Variants in DYTN observed in about 807,000 individuals in gnomAD.
DYTN encodes the protein dystrotelin.
In DYTN, 75 loss-of-function variants were observed where a neutral mutation model predicts 69.6. The observed-to-expected ratio is 1.08, with a 90% CI of 0.89 to 1.31. The LOEUF is 1.31. Ranked by LOEUF, DYTN falls within the 50% of genes most tolerant of loss-of-function variation. The pLI is 0.00. For missense variants in DYTN, 726 were observed against 688.4 expected (o/e 1.05, Z -0.61); for synonymous variants, 252 against 249.1 (o/e 1.01, Z -0.11).
chr2:206,665,768 A>C, intron 10 of DYTN, 102 bp downstream of exon 10: 4 of 1,396,254 alleles, frequency 2.9e-6, no homozygotes, highest in African/African-American at 1.4e-5. Flanking sequence ...AGGCAAGGGA[A>C]GAGGCTGATC....
chr2:206,691,051 T>G (rs1368706895), intron 9 of DYTN, among the ~76,000 whole-genome samples: 5 of 152,154 alleles, frequency 3.3e-5, no homozygotes, highest in African/African-American at 4.8e-5. Flanking sequence ...GGGTGAGAAG[T>G]GCTGTCACAT....
intron 1 of DYTN, among the ~76,000 whole-genome samples, chr2:206,716,737 T>C (rs1255897171): frequency 6.6e-6 from 1 of 152,006 alleles, no homozygotes; most frequent in African/African-American, 2.4e-5. Context: ...CCTCTGGAAA[T>C]TGGCCAATGT....
intron 9 of DYTN, among the ~76,000 whole-genome samples, chr2:206,679,916 G>A (rs1046543088): frequency 1.3e-5 from 2 of 152,116 alleles, no homozygotes; most frequent in Non-Finnish European, 2.9e-5. Context: ...TCTTGGTATT[G>A]TTCTGCTCTG....
chr2:206,676,952 A>G (rs534498263), intron 9 of DYTN, among the ~76,000 whole-genome samples: 3 of 152,136 alleles, frequency 2.0e-5, no homozygotes, highest in Middle Eastern at 3.4e-3. Context: ...TGGTATTTAT[A>G]TATTTATTTA....
intron 9 of DYTN, among the ~76,000 whole-genome samples, chr2:206,680,791 C>T (rs1406429719): frequency 6.6e-6 from 1 of 152,136 alleles, no homozygotes; most frequent in Admixed American, 6.6e-5. Context: ...TGACATTGCT[C>T]CAATAATTCT....
At chr2:206,664,984 T>C (rs1250873117) in intron 10 of DYTN, among the ~76,000 whole-genome samples, 2 of 152,228 alleles carry the variant, frequency 1.3e-5, no homozygotes, top group Non-Finnish European at 2.9e-5. Flanking sequence ...GACATAAATA[T>C]GGTTTCAGAT....
intron 9 of DYTN, among the ~76,000 whole-genome samples, chr2:206,672,969 A>G (rs1699645370): frequency 6.6e-6 from 1 of 152,224 alleles, no homozygotes; most frequent in Non-Finnish European, 1.5e-5. Flanking sequence ...CAGGATGCAC[A>G]GGTTTGTTAC....
chr2:206,701,825 G>C (rs758969400), intron 5 of DYTN, among the ~76,000 whole-genome samples: 30 of 152,186 alleles, frequency 2.0e-4, no homozygotes, highest in Non-Finnish European at 3.7e-4. Flanking sequence ...GGTGGTGACA[G>C]ATGGGTTAAT....
intron 1 of DYTN, among the ~76,000 whole-genome samples, chr2:206,713,549 A>C (rs2105903410): frequency 6.6e-6 from 1 of 152,236 alleles, no homozygotes; most frequent in South Asian, 2.1e-4. Flanking sequence ...CATGTCTGAG[A>C]GCTTCTGTTT....
At chr2:206,672,799 T>C (rs561226948) in intron 9 of DYTN, among the ~76,000 whole-genome samples, 1 of 152,216 alleles carries the variant, frequency 6.6e-6, no homozygotes, top group South Asian at 2.1e-4. Context: ...AAACAGCTGA[T>C]TGAAAACATG....
chr2:206,666,506 G>T (rs1328477376), intron 9 of DYTN, among the ~76,000 whole-genome samples: 1 of 152,040 alleles, frequency 6.6e-6, no homozygotes, highest in East Asian at 1.9e-4. Context: ...CCCTCTACTG[G>T]CTACTTAAAT....
Position 206,710,540 on chromosome 2 carries a change from C to A in DYTN, c.78G>T (p.Val26=). ...TATACTTACACTGGCACAGAGTTTG[C>A]ACTGATTGTAATTTGAAGGCTGTTC... is the stretch of plus-strand genomic sequence containing the variant. The part of the protein sequence containing the change: ...IYRTAFKLQS[V]QTLCQLDLID... The change falls in exon 2 of 12, where the codon GTG becomes GTT. Residue 26 remains valine, a synonymous_variant. Coordinates refer to ENST00000452335, the MANE Select transcript of DYTN (RefSeq NM_001093730.1). 1 of 1,612,116 alleles carries A rather than the reference C, an allele frequency of 6.2e-7. No individual in the cohort carries two copies. Among genetic ancestry groups the A allele is most frequent in the Non-Finnish European group, 8.5e-7 (1 of 1,179,166 alleles).
chr2:206,699,602 G>A, intron 7 of DYTN, 125 bp downstream of exon 7: 1 of 1,195,912 alleles, frequency 8.4e-7, no homozygotes, highest in Non-Finnish European at 1.1e-6. Flanking sequence ...AAATCATTGA[G>A]CCAAAAAAGT....
intron 1 of DYTN, among the ~76,000 whole-genome samples, chr2:206,714,989 T>C (rs1700113665): frequency 6.6e-6 from 1 of 151,990 alleles, no homozygotes; most frequent in Admixed American, 6.6e-5. Flanking sequence ...TTAGTAGTGC[T>C]AATGTAGCTA....
At chr2:206,701,936 T>C (rs1295933589) in intron 5 of DYTN, among the ~76,000 whole-genome samples, 2 of 152,156 alleles carry the variant, frequency 1.3e-5, no homozygotes, top group African/African-American at 4.8e-5. Flanking sequence ...TTAATAGTTT[T>C]CAAAAAATAA....
chr2:206,689,154 A>T (rs1490342445), intron 9 of DYTN, among the ~76,000 whole-genome samples: 1 of 152,216 alleles, frequency 6.6e-6, no homozygotes, highest in Non-Finnish European at 1.5e-5. Context: ...CCTAACTTTC[A>T]GTTCTGGTTT....
intron 9 of DYTN, among the ~76,000 whole-genome samples, chr2:206,675,113 A>ATGTGTGTGTGTGTG (rs879629081): frequency 8.2e-4 from 100 of 122,640 alleles, no homozygotes; most frequent in African/African-American, 2.5e-3. Flanking sequence ...ACATATATAT[A>ATGTGTGTGTGTGTG]TATGTGTGTG....
At chr2:206,715,582 G>A (rs186770646) in intron 1 of DYTN, among the ~76,000 whole-genome samples, 36 of 152,250 alleles carry the variant, frequency 2.4e-4, no homozygotes, top group African/African-American at 8.4e-4. Context: ...AGTAGGGTGA[G>A]GTGAGGGAGA....
intron 5 of DYTN, 114 bp from the exon 6 acceptor site, chr2:206,700,330 C>G: frequency 1.8e-6 from 2 of 1,134,306 alleles, no homozygotes; most frequent in South Asian, 2.6e-5. Flanking sequence ...TATTTGGTAT[C>G]TGAGACGAGG....
Sources: gnomAD v4.1 joint callset for allele counts (sites outside exome capture counted in the v4.1 genomes callset) on GRCh38, gnomAD v4.1.1 for gene constraint, MANE v1.5 for transcripts, NCBI Gene and HGNC (gene_info 2026-07-23, HGNC 2026-07-21) for gene names.